SLC35F2: variants seen among roughly 807,000 people sequenced by gnomAD.
SLC35F2 encodes the protein solute carrier family 35 member F2, also known as queuine/queuosine transporter SLC35F2.
SLC35F2 carries 25 observed loss-of-function variants against 38.1 expected under a neutral mutation model. The ratio of observed to expected loss-of-function variants is 0.66; its 90% CI spans 0.48 to 0.92. The LOEUF is 0.92. Ranked by LOEUF, SLC35F2 falls within the 40% of genes least tolerant of loss-of-function variation. SLC35F2 has a pLI of 0.00. For synonymous variants in SLC35F2, 173 were observed against 181.7 expected, an observed-to-expected ratio of 0.95 and a Z score of 0.38; for missense variants, 409 against 452.9, an observed-to-expected ratio of 0.90 and a Z score of 0.88.
chr11:107,837,821 T>C (rs1330922731), intron 1 of SLC35F2, among the ~76,000 whole-genome samples: 2 of 152,196 alleles, frequency 1.3e-5, no homozygotes, highest in Non-Finnish European at 2.9e-5. Context: ...ATTTTCTATA[T>C]TCTGCCTGTA....
chr11:107,811,178 C>T, intron 3 of SLC35F2: 1 of 985,066 alleles, frequency 1.0e-6, no homozygotes, highest in Non-Finnish European at 1.2e-6. Flanking sequence ...ATTTTTCTTT[C>T]AATGCAGCAA....
Position 107,811,648 on chromosome 11 carries a change from T to C in SLC35F2, c.414+19A>G. The stretch of plus-strand genomic sequence containing the variant: ...TTTGAAGCTATAAAATCCAAAGTGG[T>C]CAGAGGGCTCCCTCTTACCTGGACA... On this transcript the variant is annotated intron_variant, in intron 3 of 7. Coordinates refer to ENST00000525815, the MANE Select transcript of SLC35F2 (RefSeq NM_017515.5). 1 of 1,595,160 alleles carries C rather than the reference T, an allele frequency of 6.3e-7. No homozygotes were observed. The highest frequency in any genetic ancestry group is 8.5e-7 in the Non-Finnish European group (1 of 1,171,426).
At chr11:107,856,662 A>G (rs995324339) in intron 1 of SLC35F2, among the ~76,000 whole-genome samples, 1 of 152,106 alleles carries the variant, frequency 6.6e-6, no homozygotes, top group Non-Finnish European at 1.5e-5. Context: ...GAGCCTCTGC[A>G]CTCAGGCCTG....
At chr11:107,828,835 A>G (rs12270982) in intron 1 of SLC35F2, among the ~76,000 whole-genome samples, 8,745 of 152,158 alleles carry the variant, frequency 0.057, 510 homozygotes, top group African/African-American at 0.15. Flanking sequence ...GGCCGGGCGC[A>G]GTGACTCATG....
chr11:107,815,361 G>A (rs1037868203), intron 2 of SLC35F2, among the ~76,000 whole-genome samples: 9 of 148,106 alleles, frequency 6.1e-5, no homozygotes, highest in Non-Finnish European at 1.0e-4. Context: ...ACCAGCCAGC[G>A]CAACATGGCA....
At chr11:107,825,438 C>T (rs1024623288) in intron 1 of SLC35F2, among the ~76,000 whole-genome samples, 33 of 145,994 alleles carry the variant, frequency 2.3e-4, no homozygotes, top group African/African-American at 7.5e-4. Context: ...GTGGCACGAT[C>T]GCGGCTCACC....
intron 1 of SLC35F2, among the ~76,000 whole-genome samples, chr11:107,825,740 G>A (rs1859745469): frequency 6.6e-6 from 1 of 152,162 alleles, no homozygotes; most frequent in Non-Finnish European, 1.5e-5. Context: ...GACTTTGAGT[G>A]AGCAAGGGTC....
In SLC35F2 at chr11:107,815,884, T is replaced by C. The variant is rs1046579976; in HGVS notation, c.192A>G (p.Ala64=). ...CGTAITSQYL[A]ERYKVNTPML... ...TGGGGGTGTTCACTTTGTATCTTTC[T>C]GCCAAATACTGGCTGGTGATGGCTG... The change falls in exon 2 of 8, where the codon GCA becomes GCG. Residue 64 remains alanine (A), a synonymous_variant. Transcript: ENST00000525815. The C allele has an allele frequency of 6.8e-6, 11 of 1,614,038 alleles. No homozygotes were observed. The highest frequency in any genetic ancestry group is 1.3e-5 in the African/African-American group (1 of 74,932).
intron 1 of SLC35F2, among the ~76,000 whole-genome samples, chr11:107,840,410 G>A (rs1290953915): frequency 2.0e-5 from 3 of 152,194 alleles, no homozygotes; most frequent in Admixed American, 2.0e-4. Flanking sequence ...CACATAAAAT[G>A]TTCAATTCTT....
At chr11:107,814,906 G>A (rs774739767) in intron 2 of SLC35F2, among the ~76,000 whole-genome samples, 13 of 151,884 alleles carry the variant, frequency 8.6e-5, no homozygotes, top group Non-Finnish European at 1.6e-4. Context: ...GGTAAGACCC[G>A]GACTCCACTA....
intron 1 of SLC35F2, among the ~76,000 whole-genome samples, chr11:107,856,226 C>T (rs1341604114): frequency 7.2e-5 from 11 of 152,116 alleles, no homozygotes; most frequent in Non-Finnish European, 1.3e-4. Flanking sequence ...CCACTGGCAT[C>T]TCCTGAAGCA....
intron 1 of SLC35F2, among the ~76,000 whole-genome samples, chr11:107,843,560 A>G (rs923833770): frequency 6.6e-6 from 1 of 151,888 alleles, no homozygotes; most frequent in Admixed American, 6.6e-5. Flanking sequence ...CAAAAAAAAA[A>G]AAAAATTAAT....
Position 107,792,579 on chromosome 11 carries a change from T to C in SLC35F2, c.*36A>G. On this transcript the variant is annotated 3_prime_UTR_variant, in exon 8 of 8. Coordinates refer to ENST00000525815, the MANE Select transcript of SLC35F2 (RefSeq NM_017515.5). ...CCTCAGCAGGCAGCAGGCTCTGCTT[T>C]ATCCTGGTGGGGGATGGGTGCGCCA... 1 of 1,568,918 alleles carries C rather than the reference T, an allele frequency of 6.4e-7. No individual in the cohort carries two copies. Among genetic ancestry groups the C allele is most frequent in the Non-Finnish European group, 8.6e-7 (1 of 1,159,026 alleles).
At chr11:107,799,050 T>C (rs1056191377) in intron 7 of SLC35F2, among the ~76,000 whole-genome samples, 1 of 152,202 alleles carries the variant, frequency 6.6e-6, no homozygotes, top group Non-Finnish European at 1.5e-5. Flanking sequence ...CACTCCAGCC[T>C]GGGTGACAGA....
At chr11:107,815,645 G>A in intron 2 of SLC35F2, 145 bp downstream of exon 2, 1 of 876,960 alleles carries the variant, frequency 1.1e-6, no homozygotes, top group Non-Finnish European at 1.7e-6. Flanking sequence ...AAACAGTATG[G>A]TGCTACTTAC....
intron 6 of SLC35F2, chr11:107,803,678 A>G (rs991762773): frequency 1.5e-5 from 3 of 204,384 alleles, no homozygotes; most frequent in African/African-American, 7.1e-5. Context: ...GCAGCACAAT[A>G]TAATTATCCT....
chr11:107,800,277 A>G (rs1439732167), intron 7 of SLC35F2, among the ~76,000 whole-genome samples: 1 of 151,622 alleles, frequency 6.6e-6, no homozygotes, highest in Non-Finnish European at 1.5e-5. Context: ...CTGCAAAGAT[A>G]ACAGCTGGTT....
At position 107,830,499 on chromosome 11, in the gene SLC35F2, G is replaced by A. The variant is rs909057646; in HGVS notation, c.111-14534C>T. Reference sequence around the variant, plus strand: ...CTCAGGAGGCTGAGGCAGGAGAATGGCGTGAACCTGGGAGGCGGAGCTTGC... The same window carrying A: ...CTCAGGAGGCTGAGGCAGGAGAATGACGTGAACCTGGGAGGCGGAGCTTGC... On this transcript the variant is annotated intron_variant, in intron 1 of 7. Transcript: ENST00000525815. 2.0e-5 allele frequency among the ~76,000 whole-genome samples: 3 copies of A among 151,148 alleles called. No homozygotes were observed. The South Asian group carries it at 6.2e-4, about 31-fold the overall frequency.
chr11:107,831,578 T>TGG lies in SLC35F2; in HGVS notation c.111-15615_111-15614dup, dbSNP rs1555085442. Among the ~76,000 whole-genome samples the TGG allele has an allele frequency of 2.6e-3, 401 of 152,208 alleles. 5 individuals are homozygous for TGG. The highest frequency in any genetic ancestry group is 9.3e-3 in the African/African-American group (385 of 41,528). On this transcript the variant is annotated intron_variant, in intron 1 of 7. Transcript: ENST00000525815. Reference sequence around the variant, plus strand: ...CAGATACAAAATTATCTTCGTGAAGTGGGGGGACATGTAATTTCTTTGCCC... The same window carrying TGG: ...CAGATACAAAATTATCTTCGTGAAGTGGGGGGGGACATGTAATTTCTTTGCCC...
Sources: allele counts gnomAD v4.1 joint callset (sites outside exome capture counted in the v4.1 genomes callset), GRCh38; gene constraint gnomAD v4.1.1; transcripts MANE v1.5; gene names NCBI Gene and HGNC (gene_info 2026-07-23, HGNC 2026-07-21).